CCDC13: variants seen among roughly 807,000 people sequenced by gnomAD.
CCDC13 encodes coiled-coil domain-containing protein 13.
In CCDC13, 70 loss-of-function variants were observed where a neutral mutation model predicts 87.3. The observed-to-expected ratio is 0.80, with a 90% CI of 0.66 to 0.98. The LOEUF (loss-of-function observed/expected upper bound fraction) is 0.98, where lower values mean the gene tolerates loss of function less well. Ranked by LOEUF, CCDC13 falls within the 50% of genes least tolerant of loss-of-function variation. The pLI, the probability that CCDC13 is intolerant of heterozygous loss-of-function variation, is 0.00. For synonymous variants in CCDC13, 317 were observed against 360.3 expected, an observed-to-expected ratio of 0.88 and a Z score of 1.36; for missense variants, 842 against 892.0, an observed-to-expected ratio of 0.94 and a Z score of 0.71.
At chr3:42,747,215 C>A in intron 6 of CCDC13, 42 bp downstream of exon 6, 1 of 1,485,318 alleles carries the variant, frequency 6.7e-7, no homozygotes, top group Non-Finnish European at 9.4e-7. Flanking sequence ...CCAAGTCCAG[C>A]CCCAGCCACA....
At chr3:42,741,753 G>A (rs765253003) in intron 8 of CCDC13, among the ~76,000 whole-genome samples, 5 of 152,014 alleles carry the variant, frequency 3.3e-5, no homozygotes, top group Non-Finnish European at 5.9e-5. Flanking sequence ...AACAAAAACC[G>A]TTTGGTGGTT....
At chr3:42,751,114 C>T (rs1699566617) in intron 5 of CCDC13, among the ~76,000 whole-genome samples, 2 of 152,202 alleles carry the variant, frequency 1.3e-5, no homozygotes, top group Admixed American at 1.3e-4. Flanking sequence ...TCAAGGAAGG[C>T]ACAGGGCAGT....
Position 42,742,936 on chromosome 3 carries a change from C to A in CCDC13, c.947G>T (p.Arg316Met). 6.2e-7 allele frequency: 1 copy of A among 1,614,136 alleles called. No homozygotes were observed. Among genetic ancestry groups the A allele is most frequent in the Non-Finnish European group, 8.5e-7 (1 of 1,179,996 alleles). The change falls in exon 8 of 16, where the codon AGG (arginine) becomes ATG (methionine). Residue 316 changes from arginine (R) to methionine (M), a missense_variant. Transcript: ENST00000310232. ...KLSAQEKNLL[R>M]IRSLEREKQE... ...TTTTTCCCTTTCCAGGCTGCGGATC[C>A]TCAGCAGGTTTTTCTCCTGTGCCGA... is the stretch of plus-strand genomic sequence containing the variant.
intron 13 of CCDC13, among the ~76,000 whole-genome samples, chr3:42,725,035 G>A (rs1465527788): frequency 6.6e-6 from 1 of 152,030 alleles, no homozygotes; most frequent in African/African-American, 2.4e-5. Flanking sequence ...GCATGAATAG[G>A]TAGTTAAAAG....
chr3:42,747,352 C>A lies in CCDC13; in HGVS notation c.625G>T (p.Ala209Ser), dbSNP rs773845912. 1 of 1,613,856 alleles carries A rather than the reference C, an allele frequency of 6.2e-7. No homozygotes were observed. The highest frequency in any genetic ancestry group is 2.2e-5 in the East Asian group (1 of 44,882). Reference protein sequence around the residue: ...RALLETPEVKALQDRLVATNL... With the variant: ...RALLETPEVKSLQDRLVATNL... ...GTGGCCACCAGCCTGTCCTGCAGGG[C>A]CTTCACCTCTGGGGTCTCCAGCTGG... is the stretch of plus-strand genomic sequence containing the variant. The change falls in exon 6 of 16, where the codon GCC becomes TCC. Residue 209 changes from alanine (A) to serine (S), a missense_variant. Physicochemically the swap from Ala to Ser is moderately conservative, Grantham distance 99. Coordinates refer to ENST00000310232, the MANE Select transcript of CCDC13 (RefSeq NM_144719.4).
intron 7 of CCDC13, 54 bp downstream of exon 7, chr3:42,745,869 T>C: frequency 1.4e-6 from 2 of 1,440,566 alleles, no homozygotes; most frequent in Non-Finnish European, 2.0e-6. Context: ...CAGCTCTTTC[T>C]GGGGTGTTTT....
rs986665240 is a variant in CCDC13 at position 42,708,733 on chromosome 3, C to T, written c.*247G>A. On this transcript the variant is annotated 3_prime_UTR_variant, in exon 16 of 16. Coordinates refer to ENST00000310232, the MANE Select transcript of CCDC13 (RefSeq NM_144719.4). ...AGCTCTCGCCTCTGCCAGTGGGCTG[C>T]TGGGCCTCCCTGCTGCTGTAACCCA... The T allele has an allele frequency of 4.9e-6, 2 of 406,998 alleles. No individual in the cohort carries two copies. The highest frequency in any genetic ancestry group is 8.7e-6 in the Non-Finnish European group (2 of 230,984). 25.2% of individuals were successfully genotyped at this position (406,998 alleles called of 1,614,324 possible). A position where few individuals can be genotyped will look rare whatever the true frequency, so the allele number is the denominator to read the frequency against.
intron 1 of CCDC13, among the ~76,000 whole-genome samples, chr3:42,766,666 T>C (rs966514539): frequency 6.6e-6 from 1 of 151,158 alleles, no homozygotes; most frequent in African/African-American, 2.4e-5. Flanking sequence ...CCAAGAATAT[T>C]AGCAAATTGA....
rs747544106 is a variant in CCDC13, at chr3:42,709,000, G to A, written c.2128C>T (p.Gln710Ter). ...TCATCCTATTGCTTGCCTGTCTTCT[G>A]CTGCCGCAGGGCCTGCAGGAAGACA... ...KSVFLQALRQQKTGKQ is the reference protein window; with the variant it reads ...KSVFLQALRQ Residue 710 changes from glutamine to a stop codon, truncating the protein, a stop_gained, in exon 16 of 16, where the codon CAG becomes TAG. Transcript: ENST00000310232. LOFTEE classifies it high-confidence loss of function. The A allele has an allele frequency of 1.9e-6, 3 of 1,612,568 alleles. No homozygotes were observed. In the African/African-American group the frequency reaches 4.0e-5, roughly 22 times the overall value.
intron 13 of CCDC13, among the ~76,000 whole-genome samples, chr3:42,726,584 G>C (rs1240758724): frequency 6.6e-6 from 1 of 152,056 alleles, no homozygotes; most frequent in Non-Finnish European, 1.5e-5. Flanking sequence ...AGCAGTCCTT[G>C]GGAATATATA....
chr3:42,742,864 A>T, intron 8 of CCDC13, 32 bp downstream of exon 8: 9 of 1,612,104 alleles, frequency 5.6e-6, no homozygotes, highest in Non-Finnish European at 7.6e-6. Flanking sequence ...TCGTTCCCAC[A>T]TGCCCAGCTG....
At chr3:42,746,216 C>A (rs562020316) in intron 6 of CCDC13, 189 bp from the exon 7 acceptor site, 216 of 569,066 alleles carry the variant, frequency 3.8e-4, no homozygotes, top group Non-Finnish European at 5.8e-4. Flanking sequence ...AAGTAGTAAA[C>A]CCATCATCCC....
At position 42,761,003 on chromosome 3, in the gene CCDC13, T is replaced by C. The variant is rs374726206; in HGVS notation, c.-6-2652A>G. ...AATACAATCACTCACTGTTACTGAA[T>C]GATCAGTTTCTTGTACATTCTTGAT... On this transcript the variant is annotated intron_variant, in intron 1 of 15. Transcript: ENST00000310232. Among the ~76,000 whole-genome samples, 9 of 152,312 alleles carry C rather than the reference T, an allele frequency of 5.9e-5. No individual in the cohort carries two copies. In the East Asian group the frequency reaches 1.5e-3, roughly 26 times the overall value.
chr3:42,734,629 CT>C (rs1480454683), intron 10 of CCDC13, among the ~76,000 whole-genome samples: 4 of 152,348 alleles, frequency 2.6e-5, no homozygotes, highest in Non-Finnish European at 5.9e-5. Context: ...CCGAGGGGCT[CT>C]TGGGCTCTCA....
At chr3:42,755,270 G>C (rs887515704) in intron 3 of CCDC13, among the ~76,000 whole-genome samples, 5 of 152,038 alleles carry the variant, frequency 3.3e-5, no homozygotes, top group African/African-American at 1.2e-4. Context: ...AAAAGAAACC[G>C]ATCTATCAAC....
chr3:42,729,467 C>A (rs1449030990), intron 13 of CCDC13, among the ~76,000 whole-genome samples: 1 of 152,158 alleles, frequency 6.6e-6, no homozygotes, highest in Non-Finnish European at 1.5e-5. Flanking sequence ...GCTATCAGTA[C>A]CCCCATTTTC....
chr3:42,746,566 C>T (rs1318500808), intron 6 of CCDC13: 1 of 163,120 alleles, frequency 6.1e-6, no homozygotes, highest in East Asian at 1.8e-4. Context: ...GGCTTTGAGG[C>T]AGAAACAATA....
chr3:42,750,197 C>A (rs72865757), intron 5 of CCDC13, among the ~76,000 whole-genome samples: 12 of 152,176 alleles, frequency 7.9e-5, no homozygotes, highest in Non-Finnish European at 1.6e-4. Context: ...CCTTTTCTCC[C>A]GTGTGAGCTC....
At chr3:42,760,397 A>C (rs1050884488) in intron 1 of CCDC13, among the ~76,000 whole-genome samples, 2 of 152,154 alleles carry the variant, frequency 1.3e-5, no homozygotes, top group Non-Finnish European at 2.9e-5. Flanking sequence ...TGGGTGGATC[A>C]CCGGAGTTCA....
Sources: gnomAD v4.1 joint callset for allele counts (sites outside exome capture counted in the v4.1 genomes callset) on GRCh38, gnomAD v4.1.1 for gene constraint, MANE v1.5 for transcripts, NCBI Gene and HGNC (gene_info 2026-07-23, HGNC 2026-07-21) for gene names.